NR3C2: variants seen among roughly 807,000 people sequenced by gnomAD.
NR3C2 encodes the protein mineralocorticoid receptor.
Under a neutral mutation model 86.4 loss-of-function variants are expected in NR3C2, and 15 were observed. The observed-to-expected ratio is 0.17, with a 90% CI of 0.12 to 0.27. The LOEUF (loss-of-function observed/expected upper bound fraction) is 0.27, where lower values mean the gene tolerates loss of function less well. Among genes scored for constraint, NR3C2 ranks in the 10% least tolerant of loss-of-function variants. The pLI is 1.00. For synonymous variants in NR3C2, 458 were observed against 450.5 expected (o/e 1.02, Z -0.21); for missense variants, 960 against 1,195.6 (o/e 0.80, Z 2.91).
chr4:148,273,254 C>T (rs150770918), intron 2 of NR3C2, among the ~76,000 whole-genome samples: 58 of 152,250 alleles, frequency 3.8e-4, no homozygotes, highest in Non-Finnish European at 4.3e-4. Flanking sequence ...ATTATATCTT[C>T]GTCTATTAAA....
chr4:148,199,913 A>G (rs1318868426), intron 3 of NR3C2, among the ~76,000 whole-genome samples: 1 of 152,194 alleles, frequency 6.6e-6, no homozygotes, highest in African/African-American at 2.4e-5. Context: ...TGTGTTCTTG[A>G]TATGTTCTGA....
intron 4 of NR3C2, among the ~76,000 whole-genome samples, chr4:148,159,816 T>C (rs1734573922): frequency 6.6e-6 from 1 of 152,240 alleles, no homozygotes; most frequent in African/African-American, 2.4e-5. Flanking sequence ...TTAAGGAACA[T>C]GTTTCTATTA....
At chr4:148,207,653 C>T (rs57436341) in intron 3 of NR3C2, among the ~76,000 whole-genome samples, 7,337 of 152,148 alleles carry the variant, frequency 0.048, 327 homozygotes, top group African/African-American at 0.11. Flanking sequence ...GCCATTTAAC[C>T]TTACATTTTT....
At chr4:148,144,392 T>G (rs553713488) in intron 6 of NR3C2, among the ~76,000 whole-genome samples, 68 of 152,098 alleles carry the variant, frequency 4.5e-4, no homozygotes, top group African/African-American at 1.5e-3. Context: ...AGACAGGGTT[T>G]TTGTTGCCCA....
At chr4:148,420,325 A>G (rs180889548) in intron 2 of NR3C2, among the ~76,000 whole-genome samples, 9 of 152,298 alleles carry the variant, frequency 5.9e-5, no homozygotes, top group African/African-American at 7.2e-5. Flanking sequence ...CTGAATTCCC[A>G]TTTGTTTAAG....
chr4:148,201,099 G>A (rs1422882718), intron 3 of NR3C2: 1 of 152,306 alleles, frequency 6.6e-6, no homozygotes, highest in Non-Finnish European at 1.5e-5. Context: ...GGCACTTAGG[G>A]CCCTGGGCCT....
At chr4:148,258,560 T>C (rs1490749060) in intron 3 of NR3C2, among the ~76,000 whole-genome samples, 4 of 152,192 alleles carry the variant, frequency 2.6e-5, no homozygotes, top group Non-Finnish European at 5.9e-5. Flanking sequence ...CCACAGGCAC[T>C]GGGGCAGAGG....
intron 2 of NR3C2, among the ~76,000 whole-genome samples, chr4:148,286,626 GT>G (rs1741534225): frequency 6.6e-6 from 1 of 152,164 alleles, no homozygotes; most frequent in Non-Finnish European, 1.5e-5. Context: ...TCACAGATCA[GT>G]TTAACCAGGA....
At chr4:148,104,342 GTTTTTTTT>G (rs57175085) in intron 8 of NR3C2, among the ~76,000 whole-genome samples, 1 of 63,794 alleles carries the variant, frequency 1.6e-5, no homozygotes, top group Non-Finnish European at 3.2e-5. Context: ...TTTTGGTTTG[GTTTTTTTT>G]TTTTTTTTTT....
intron 2 of NR3C2, among the ~76,000 whole-genome samples, chr4:148,406,761 A>G (rs1171733619): frequency 6.6e-6 from 1 of 152,234 alleles, no homozygotes; most frequent in Non-Finnish European, 1.5e-5. Context: ...TAAGAATGTT[A>G]ACATAAAACA....
chr4:148,415,679 A>G (rs1382562030), intron 2 of NR3C2, among the ~76,000 whole-genome samples: 1 of 152,194 alleles, frequency 6.6e-6, no homozygotes, highest in Non-Finnish European at 1.5e-5. Context: ...CTAACTGAAC[A>G]AAATGCTCAT....
chr4:148,391,384 T>G (rs1004839844), intron 2 of NR3C2, among the ~76,000 whole-genome samples: 5 of 152,240 alleles, frequency 3.3e-5, no homozygotes, highest in Admixed American at 2.6e-4. Context: ...AGCATTTGTA[T>G]AATTCTTACA....
chr4:148,396,021 T>C (rs1747843305), intron 2 of NR3C2, among the ~76,000 whole-genome samples: 1 of 152,214 alleles, frequency 6.6e-6, no homozygotes, highest in African/African-American at 2.4e-5. Context: ...GAGCTTAAAA[T>C]AAACCATAGT....
chr4:148,122,200 C>T (rs1376280694), intron 6 of NR3C2, among the ~76,000 whole-genome samples: 1 of 152,156 alleles, frequency 6.6e-6, no homozygotes, highest in Non-Finnish European at 1.5e-5. Context: ...TGGGTGTCTT[C>T]TTTGGTGATT....
At chr4:148,114,032 G>GT in intron 8 of NR3C2, 72 bp downstream of exon 8, 1 of 1,573,384 alleles carries the variant, frequency 6.4e-7, no homozygotes, top group Non-Finnish European at 8.7e-7. Flanking sequence ...CTCAGTCTCT[G>GT]TTTCCTTTGG....
intron 7 of NR3C2, among the ~76,000 whole-genome samples, chr4:148,119,473 A>G (rs1432004603): frequency 6.6e-6 from 1 of 152,092 alleles, no homozygotes; most frequent in African/African-American, 2.4e-5. Flanking sequence ...CCTCCATCAT[A>G]GTAAATAATT....
chr4:148,183,093 T>A (rs545198097), intron 4 of NR3C2, among the ~76,000 whole-genome samples: 1 of 152,306 alleles, frequency 6.6e-6, no homozygotes, highest in South Asian at 2.1e-4. Flanking sequence ...GTCCTTATGA[T>A]AGTTTGCTGA....
intron 2 of NR3C2, among the ~76,000 whole-genome samples, chr4:148,345,474 C>T (rs975395147): frequency 2.0e-5 from 3 of 151,860 alleles, no homozygotes; most frequent in African/African-American, 4.8e-5. Context: ...CAAGTTAAAA[C>T]AGAATACTTA....
intron 2 of NR3C2, among the ~76,000 whole-genome samples, chr4:148,422,186 A>C (rs1374364020): frequency 6.6e-6 from 1 of 152,182 alleles, no homozygotes; most frequent in Non-Finnish European, 1.5e-5. Flanking sequence ...TCCAAAATAC[A>C]GGGTATATGT....
Sources: allele counts gnomAD v4.1 joint callset (sites outside exome capture counted in the v4.1 genomes callset), GRCh38; gene constraint gnomAD v4.1.1; transcripts MANE v1.5; gene names NCBI Gene and HGNC (gene_info 2026-07-23, HGNC 2026-07-21).